Variants in RIMS3 observed in about 807,000 individuals in gnomAD.
RIMS3 encodes regulating synaptic membrane exocytosis 3, also known as regulating synaptic membrane exocytosis protein 3.
In RIMS3, 15 loss-of-function variants were observed where a neutral mutation model predicts 29.2. The observed-to-expected ratio is 0.51, with a 90% CI of 0.34 to 0.79. The LOEUF is 0.79. Ranked by LOEUF, RIMS3 falls within the 30% of genes least tolerant of loss-of-function variation. The pLI, the probability that RIMS3 is intolerant of heterozygous loss-of-function variation, is 0.01. For synonymous variants in RIMS3, 161 were observed against 170.1 expected (o/e 0.95, Z 0.41); for missense variants, 342 against 421.4 (o/e 0.81, Z 1.65).
the RIMS3 span, among the ~76,000 whole-genome samples, chr1:40,671,757 CTT>C: frequency 3.7e-4 from 48 of 130,260 alleles, no homozygotes; most frequent in Admixed American, 4.7e-4. Context: ...CCTTTCTTTT[CTT>C]TTTTTTTTTT....
chr1:40,630,779 G>A (rs1383673056), intron 5 of RIMS3, among the ~76,000 whole-genome samples: 1 of 152,188 alleles, frequency 6.6e-6, no homozygotes, highest in Non-Finnish European at 1.5e-5. Context: ...TCTCACTGCT[G>A]CCCAGCCTGT....
At chr1:40,643,833 G>A (rs1016730472) in intron 2 of RIMS3, among the ~76,000 whole-genome samples, 11 of 152,046 alleles carry the variant, frequency 7.2e-5, no homozygotes, top group African/African-American at 2.2e-4. Context: ...CTGATTCCTC[G>A]AAATGGAACG....
intron 7 of RIMS3, among the ~76,000 whole-genome samples, chr1:40,628,183 C>T (rs925790543): frequency 6.6e-6 from 1 of 152,242 alleles, no homozygotes; most frequent in South Asian, 2.1e-4. Flanking sequence ...GAGCTGGAAT[C>T]TGAACCTAGG....
intron 5 of RIMS3, among the ~76,000 whole-genome samples, chr1:40,631,286 G>C (rs1379994684): frequency 1.3e-5 from 2 of 152,208 alleles, no homozygotes; most frequent in Non-Finnish European, 2.9e-5. Flanking sequence ...GGGCCAGACT[G>C]AAGCTAACAG....
chr1:40,641,712 G>C lies in RIMS3; in HGVS notation c.214C>G (p.Pro72Ala). 6.2e-7 allele frequency: 1 copy of C among 1,613,840 alleles called. No individual in the cohort carries two copies. Among genetic ancestry groups the C allele is most frequent in the Non-Finnish European group, 8.5e-7 (1 of 1,179,756 alleles). The change falls in exon 3 of 8, where the codon CCT (proline) becomes GCT (alanine). Residue 72 changes from proline (P) to alanine (A), a missense_variant. Physicochemically the swap from Pro to Ala is conservative, Grantham distance 27. Coordinates refer to ENST00000372684, the MANE Select transcript of RIMS3 (RefSeq NM_014747.3). The stretch of plus-strand genomic sequence containing the variant: ...GTGATGTCCCATGCCCCCTCACCAG[G>C]CTGCGGAAGCTGGAGTGTGCTCTTG... ...WSKSTLQLPQ[P>A]EGATKKLRSN...
At chr1:40,643,545 C>T (rs1646574786) in intron 2 of RIMS3, among the ~76,000 whole-genome samples, 1 of 146,814 alleles carries the variant, frequency 6.8e-6, no homozygotes, top group Non-Finnish European at 1.5e-5. Flanking sequence ...GGCACGATCT[C>T]GACTCACTGG....
At chr1:40,650,099 A>C (rs1261362459) in intron 1 of RIMS3, among the ~76,000 whole-genome samples, 1 of 152,080 alleles carries the variant, frequency 6.6e-6, no homozygotes, top group Non-Finnish European at 1.5e-5. Flanking sequence ...GGGTGGTCGG[A>C]CTCAAACCAC....
the RIMS3 span, among the ~76,000 whole-genome samples, chr1:40,682,101 T>C: frequency 1.3e-5 from 2 of 152,232 alleles, no homozygotes; most frequent in East Asian, 3.9e-4. Flanking sequence ...CCTGAAGTAC[T>C]GGGATTACAG....
chr1:40,636,900 G>A lies in RIMS3; in HGVS notation c.218-843C>T, dbSNP rs890558332. Among the ~76,000 whole-genome samples the A allele has an allele frequency of 6.6e-6, 1 of 152,152 alleles. No homozygotes were observed. Among genetic ancestry groups the A allele is most frequent in the African/African-American group, 2.4e-5 (1 of 41,440 alleles). ...CCTGGGTTTCCATGGCAACCTCCTCGGCATTGCAGTGTGGTCCCTCTAGAC... is the reference window on the plus strand; with the variant it reads ...CCTGGGTTTCCATGGCAACCTCCTCAGCATTGCAGTGTGGTCCCTCTAGAC... On this transcript the variant is annotated intron_variant, in intron 3 of 7. Transcript: ENST00000372684. The surrounding 1 kb of genome is among the most constrained non-coding windows in gnomAD (Gnocchi z 4.2).
intron 2 of RIMS3, among the ~76,000 whole-genome samples, chr1:40,643,478 CTTT>C (rs34292781): frequency 9.0e-5 from 12 of 133,586 alleles, no homozygotes; most frequent in Non-Finnish European, 1.2e-4. Context: ...ATCTTTCTCT[CTTT>C]TTTTTTTTTT....
At chr1:40,634,010 T>C (rs1183074422) in intron 4 of RIMS3, among the ~76,000 whole-genome samples, 1 of 152,176 alleles carries the variant, frequency 6.6e-6, no homozygotes, top group Non-Finnish European at 1.5e-5. Context: ...GCTGTTGTTA[T>C]CATCAAGGGA....
At position 40,633,579 on chromosome 1, in the gene RIMS3, G is replaced by A. The variant is rs143856335; in HGVS notation, c.360-398C>T. 3.5e-3 allele frequency among the ~76,000 whole-genome samples: 535 copies of A among 152,320 alleles called. 3 individuals carry two copies. The highest frequency in any genetic ancestry group is 0.012 in the African/African-American group (502 of 41,568). ...GCCTGGAACAAGTTACAAGAACTGAGGTTTGAGTTGACTGCAAGTTTGAAA... is the reference window on the plus strand; with the variant it reads ...GCCTGGAACAAGTTACAAGAACTGAAGTTTGAGTTGACTGCAAGTTTGAAA... On this transcript the variant is annotated intron_variant, in intron 4 of 7. Coordinates refer to ENST00000372684, the MANE Select transcript of RIMS3 (RefSeq NM_014747.3).
rs1646432770 is a variant in RIMS3 at position 40,623,119 on chromosome 1, C to A, written c.*3398G>T. Reference sequence around the variant, plus strand: ...CACAGAGGATGAGCTCTATGGGTGGCCTTTCTTGGAGCTCCTGGGTTCTGC... The same window carrying A: ...CACAGAGGATGAGCTCTATGGGTGGACTTTCTTGGAGCTCCTGGGTTCTGC... On this transcript the variant is annotated 3_prime_UTR_variant, in exon 8 of 8. Transcript: ENST00000372684. 3 of 306,882 alleles carry A rather than the reference C, an allele frequency of 9.8e-6. No individual in the cohort carries two copies. The East Asian group carries it at 1.5e-4, about 16-fold the overall frequency. 19.0% of individuals were successfully genotyped at this position (306,882 alleles called of 1,614,324 possible). A position where few individuals can be genotyped will look rare whatever the true frequency, so the allele number is the denominator to read the frequency against.
At chr1:40,668,491 C>CGGGGGGGGGGGGGGGGTGGGG (rs56114535), upstream of RIMS3, among the ~76,000 whole-genome samples, 1 of 51,586 alleles carries the variant, frequency 1.9e-5, no homozygotes, top group Non-Finnish European at 3.5e-5. Context: ...GGGTTGTGGG[C>CGGGGGGGGGGGGGGGGTGGGG]GGGGGGGGGG....
chr1:40,670,574 T>TTATATATATATATGTATA (rs1553146612), upstream of RIMS3, among the ~76,000 whole-genome samples: 1 of 71,210 alleles, frequency 1.4e-5, no homozygotes, highest in African/African-American at 7.0e-5. Flanking sequence ...AGTTATAATT[T>TTATATATATATATGTATA]TATATATATA....
At chr1:40,640,132 G>C (rs1390009151) in intron 3 of RIMS3, among the ~76,000 whole-genome samples, 1 of 152,054 alleles carries the variant, frequency 6.6e-6, no homozygotes, top group Non-Finnish European at 1.5e-5. Context: ...GGATTTCTGG[G>C]CTTGGTCCCC....
At chr1:40,643,687 C>G (rs566284635) in intron 2 of RIMS3, among the ~76,000 whole-genome samples, 6 of 152,186 alleles carry the variant, frequency 3.9e-5, no homozygotes, top group Admixed American at 3.3e-4. Context: ...CCCTGTTGAC[C>G]AGGCTGGTCT....
rs1008094673 is a variant in RIMS3 at position 40,636,773 on chromosome 1, G to T, written c.218-716C>A. Among the ~76,000 whole-genome samples, 2 of 152,170 alleles carry T rather than the reference G, an allele frequency of 1.3e-5. No homozygotes were observed. Among genetic ancestry groups the T allele is most frequent in the Non-Finnish European group, 2.9e-5 (2 of 68,030 alleles). On this transcript the variant is annotated intron_variant, in intron 3 of 7. Transcript: ENST00000372684. The surrounding 1 kb of genome is among the most constrained non-coding windows in gnomAD (Gnocchi z 4.2). ...CCTGTGAGAACTTACCCGTGTCTCC[G>T]TGCCTCCTGTTCAGAGGCCCTCGAC...
At chr1:40,689,569 C>G in the RIMS3 span, among the ~76,000 whole-genome samples, 1 of 151,968 alleles carries the variant, frequency 6.6e-6, no homozygotes, top group Non-Finnish European at 1.5e-5. Flanking sequence ...TGTGAGCCAC[C>G]GTGCCCGGCC....
Sources: gnomAD v4.1 joint callset for allele counts (sites outside exome capture counted in the v4.1 genomes callset) on GRCh38, gnomAD v4.1.1 for gene constraint, Gnocchi (gnomAD v3.1) non-coding constraint, MANE v1.5 for transcripts, NCBI Gene and HGNC (gene_info 2026-07-23, HGNC 2026-07-21) for gene names.